Variants in C7orf33 observed in about 807,000 individuals in gnomAD.
C7orf33 encodes uncharacterized protein C7orf33.
Under a neutral mutation model 13.4 loss-of-function variants are expected in C7orf33, and 15 were observed. The ratio of observed to expected loss-of-function variants is 1.12; its 90% confidence interval spans 0.75 to 1.72. C7orf33 has a LOEUF of 1.72. C7orf33 is among the 40% of genes most tolerant of loss of function. The pLI is 0.00. For synonymous variants in C7orf33, 73 were observed against 83.2 expected (o/e 0.88, Z 0.67); for missense variants, 187 against 220.3 (o/e 0.85, Z 0.96).
chr7:148,593,484 C>T (rs1255538478), intron 1 of C7orf33, among the ~76,000 whole-genome samples: 3 of 151,918 alleles, frequency 2.0e-5, no homozygotes, highest in African/African-American at 4.8e-5. Context: ...AGGCTGGTCT[C>T]GAACTCCTGA....
intron 1 of C7orf33, among the ~76,000 whole-genome samples, chr7:148,607,114 T>C (rs1346932224): frequency 1.3e-5 from 2 of 152,068 alleles, no homozygotes; most frequent in African/African-American, 2.4e-5. Context: ...CAACAAAGAA[T>C]AGTGATTTTT....
At chr7:148,605,896 T>A (rs1796467949) in intron 1 of C7orf33, among the ~76,000 whole-genome samples, 1 of 152,254 alleles carries the variant, frequency 6.6e-6, no homozygotes, top group African/African-American at 2.4e-5. Context: ...GTGTATACTA[T>A]CTCTTGGCCA....
At chr7:148,615,285 A>G in intron 2 of C7orf33, 42 bp from the exon 3 acceptor site, 4 of 1,329,674 alleles carry the variant, frequency 3.0e-6, no homozygotes, top group Non-Finnish European at 3.3e-6. Context: ...GGAAAAGGTA[A>G]ATCATCCTGA....
At chr7:148,604,577 G>A (rs191880008) in intron 1 of C7orf33, among the ~76,000 whole-genome samples, 17 of 152,314 alleles carry the variant, frequency 1.1e-4, no homozygotes, top group Admixed American at 9.1e-4. Flanking sequence ...GGAGGGGGAT[G>A]AGGAATAAAA....
intron 1 of C7orf33, among the ~76,000 whole-genome samples, chr7:148,612,073 A>G (rs1208384015): frequency 1.3e-5 from 2 of 152,242 alleles, no homozygotes; most frequent in Admixed American, 1.3e-4. Context: ...GTTTCCTTGC[A>G]CTATCAGTGC....
intron 1 of C7orf33, among the ~76,000 whole-genome samples, chr7:148,601,127 T>TTG: frequency 6.6e-6 from 1 of 152,196 alleles, no homozygotes; most frequent in East Asian, 1.9e-4. Flanking sequence ...AGATCATTCT[T>TTG]TGAGTTCATT....
chr7:148,600,799 C>CTTTTTT lies in C7orf33; in HGVS notation c.204+9686_204+9691dup, dbSNP rs11373798. Among the ~76,000 whole-genome samples the CTTTTTT allele has an allele frequency of 1.1e-3, 118 of 103,710 alleles. 1 individual carries two copies. The highest frequency in any genetic ancestry group is 6.6e-3 in the Middle Eastern group (1 of 152). 68.0% of individuals were successfully genotyped at this position (103,710 alleles called of 152,430 possible). A position where few individuals can be genotyped will look rare whatever the true frequency, so the allele number is the denominator to read the frequency against. On this transcript the variant is annotated intron_variant, in intron 1 of 2. Coordinates refer to ENST00000307003, the MANE Select transcript of C7orf33 (RefSeq NM_145304.4). Reference sequence around the variant, plus strand: ...TCTGCTTTCTCCATTTTATGGACTTCTTTTTTTTTTTTTTTTTTTTTGAGA... The same window carrying CTTTTTT: ...TCTGCTTTCTCCATTTTATGGACTTCTTTTTTTTTTTTTTTTTTTTTTTTTTTGAGA...
intron 1 of C7orf33, among the ~76,000 whole-genome samples, chr7:148,609,479 C>T (rs1039723464): frequency 3.3e-5 from 5 of 152,190 alleles, no homozygotes; most frequent in African/African-American, 7.2e-5. Flanking sequence ...ATAAAGCAGA[C>T]TTTAGGTTAC....
Position 148,590,807 on chromosome 7 carries a change from C to A in C7orf33, c.-119C>A. The A allele has an allele frequency of 1.1e-6, 1 of 911,656 alleles. No homozygotes were observed. Among genetic ancestry groups the A allele is most frequent in the Non-Finnish European group, 1.8e-6 (1 of 569,996 alleles). The allele number at this position is 911,656 out of a possible 1,614,324, so 56.5% of individuals were successfully genotyped here. The stretch of plus-strand genomic sequence containing the variant: ...ATCCAGTGGTCAGGAGCGAGGCGCC[C>A]AGCCTGTGTCTGAATCCTCCTACTG... On this transcript the variant is annotated 5_prime_UTR_variant, in exon 1 of 3. Coordinates refer to ENST00000307003, the MANE Select transcript of C7orf33 (RefSeq NM_145304.4).
intron 1 of C7orf33, among the ~76,000 whole-genome samples, chr7:148,612,674 A>G (rs1379513085): frequency 6.6e-6 from 1 of 152,164 alleles, no homozygotes; most frequent in Non-Finnish European, 1.5e-5. Flanking sequence ...TGCAAATCAA[A>G]GCCAGAATTA....
chr7:148,599,401 T>A (rs1208540218), intron 1 of C7orf33, among the ~76,000 whole-genome samples: 3 of 151,690 alleles, frequency 2.0e-5, no homozygotes, highest in Non-Finnish European at 4.4e-5. Context: ...ATATCTTCTA[T>A]CCTCCTACCT....
At chr7:148,599,389 A>G (rs544346939) in intron 1 of C7orf33, among the ~76,000 whole-genome samples, 12 of 152,218 alleles carry the variant, frequency 7.9e-5, no homozygotes, top group African/African-American at 2.9e-4. Flanking sequence ...ATAAACTGTT[A>G]AATATCTTCT....
At chr7:148,596,682 C>T (rs747089879) in intron 1 of C7orf33, among the ~76,000 whole-genome samples, 16 of 152,130 alleles carry the variant, frequency 1.1e-4, no homozygotes, top group Non-Finnish European at 2.2e-4. Flanking sequence ...CCACCAGGTT[C>T]CTCCCACAAC....
chr7:148,590,782 A>G lies in C7orf33; in HGVS notation c.-144A>G. ...TGTGACCTTACTTATGGTGATGCCAATCCAGTGGTCAGGAGCGAGGCGCCC... is the reference window on the plus strand; with the variant it reads ...TGTGACCTTACTTATGGTGATGCCAGTCCAGTGGTCAGGAGCGAGGCGCCC... On this transcript the variant is annotated 5_prime_UTR_variant, in exon 1 of 3. Coordinates refer to ENST00000307003, the MANE Select transcript of C7orf33 (RefSeq NM_145304.4). 2 of 746,352 alleles carry G rather than the reference A, an allele frequency of 2.7e-6. No homozygotes were observed. Among genetic ancestry groups the G allele is most frequent in the South Asian group, 1.5e-5 (1 of 65,238 alleles). 46.2% of individuals were successfully genotyped at this position (746,352 alleles called of 1,614,324 possible).
intron 1 of C7orf33, among the ~76,000 whole-genome samples, chr7:148,598,320 T>C (rs1461520854): frequency 6.6e-6 from 1 of 152,106 alleles, no homozygotes; most frequent in African/African-American, 2.4e-5. Flanking sequence ...GATGGACACT[T>C]AGGTTCCTCC....
At chr7:148,598,725 GATATATATATATATATATATATATAT>G (rs1161811167) in intron 1 of C7orf33, among the ~76,000 whole-genome samples, 2 of 24,390 alleles carry the variant, frequency 8.2e-5, no homozygotes, top group East Asian at 2.8e-3. Flanking sequence ...TTCATTCCTG[GATATATATATATATATATATATATAT>G]ATATATATAT....
At chr7:148,614,405 G>A (rs1000311687) in intron 2 of C7orf33, 109 bp downstream of exon 2, 21 of 1,212,812 alleles carry the variant, frequency 1.7e-5, no homozygotes, top group Non-Finnish European at 2.4e-5. Context: ...TTGCATGCCT[G>A]GATGTTTCAT....
At chr7:148,599,005 A>G (rs1218607745) in intron 1 of C7orf33, among the ~76,000 whole-genome samples, 12 of 148,788 alleles carry the variant, frequency 8.1e-5, no homozygotes, top group Non-Finnish European at 1.3e-4. Flanking sequence ...TGGGATTACA[A>G]GCACTTGCCA....
intron 1 of C7orf33, among the ~76,000 whole-genome samples, chr7:148,608,527 C>T (rs909796909): frequency 2.6e-5 from 4 of 152,048 alleles, no homozygotes; most frequent in Non-Finnish European, 5.9e-5. Flanking sequence ...GACTTCCCAT[C>T]TAAATTGCCG....
Sources: allele counts gnomAD v4.1 joint callset (sites outside exome capture counted in the v4.1 genomes callset), GRCh38; gene constraint gnomAD v4.1.1; transcripts MANE v1.5; gene names NCBI Gene and HGNC (gene_info 2026-07-23, HGNC 2026-07-21).